Variants in PCDHA6 observed in about 807,000 individuals in gnomAD.
PCDHA6 encodes the protein protocadherin alpha-6.
PCDHA6 carries 55 observed loss-of-function variants against 60.3 expected under a neutral mutation model. The observed-to-expected ratio is 0.91, with a 90% confidence interval of 0.73 to 1.14. PCDHA6 has a LOEUF of 1.14. Ranked by LOEUF, PCDHA6 falls within the 50% of genes most tolerant of loss-of-function variation. The probability of loss-of-function intolerance (pLI) is 0.00; values close to 1 mark genes in which losing one functional copy is unlikely to be tolerated. For synonymous variants in PCDHA6, 652 were observed against 557.9 expected (o/e 1.17, Z -2.38); for missense variants, 1,327 against 1,256.5 (o/e 1.06, Z -0.85).
At position 140,828,668 on chromosome 5, in the gene PCDHA6, G is replaced by A. The variant is rs2150157803; in HGVS notation, c.577G>A (p.Gly193Arg). 1 of 1,614,160 alleles carries A rather than the reference G, an allele frequency of 6.2e-7. No individual in the cohort carries two copies. The highest frequency in any genetic ancestry group is 2.2e-5 in the East Asian group (1 of 44,884). The change falls in exon 1 of 4, where the codon GGG becomes AGG. Residue 193 changes from glycine to arginine, a missense_variant. By Grantham distance (125) the Gly-to-Arg change is moderately radical. Coordinates refer to ENST00000529310, the MANE Select transcript of PCDHA6 (RefSeq NM_018909.4). ...KINSDDNKQI[G>R]LLLKKSLDRE... ...AAACAGTGATGACAATAAACAAATT[G>A]GGCTCTTATTAAAGAAATCCTTGGA...
Position 140,843,391 on chromosome 5 carries a change from A to G in PCDHA6, c.2394+12906A>G, listed in dbSNP as rs1554140017. On this transcript the variant is annotated intron_variant, in intron 1 of 3. Transcript: ENST00000529310. ...AGTCGGCTGGCGTTTTGGGTCCGGA[A>G]GCGGCGCTGGTGGATGTCAACGTGT... 7.5e-6 allele frequency: 12 copies of G among 1,596,022 alleles called. 1 individual carries two copies. The highest frequency in any genetic ancestry group is 8.6e-6 in the Non-Finnish European group (10 of 1,165,574).
chr5:140,846,984 C>T (rs1554141604), intron 1 of PCDHA6, among the ~76,000 whole-genome samples: 2 of 149,190 alleles, frequency 1.3e-5, no homozygotes, highest in African/African-American at 4.9e-5. Context: ...TAAGTAAGTT[C>T]CCCCCGGGAG....
In PCDHA6 at chr5:140,830,159, G is replaced by A. The variant is rs2150182204; in HGVS notation, c.2068G>A (p.Glu690Lys). 33 of 1,613,266 alleles carry A rather than the reference G, an allele frequency of 2.0e-5. No individual in the cohort carries two copies. Among genetic ancestry groups the A allele is most frequent in the Non-Finnish European group, 2.7e-5 (32 of 1,179,874 alleles). ...SRASVGAAGPEAALVDVNVYL... is the reference protein window; with the variant it reads ...SRASVGAAGPKAALVDVNVYL... ...GGCGTCGGTGGGCGCCGCGGGCCCAGAGGCGGCGCTGGTGGATGTCAACGT... is the reference window on the plus strand; with the variant it reads ...GGCGTCGGTGGGCGCCGCGGGCCCAAAGGCGGCGCTGGTGGATGTCAACGT... The change falls in exon 1 of 4, where the codon GAG becomes AAG. Residue 690 changes from glutamate (E) to lysine (K), a missense_variant. Physicochemically the swap from Glu to Lys is moderately conservative, Grantham distance 56. Transcript: ENST00000529310.
At chr5:140,871,429 C>T in intron 1 of PCDHA6, 1 of 1,613,216 alleles carries the variant, frequency 6.2e-7, no homozygotes, top group Admixed American at 1.7e-5. Context: ...CCCCAGTCTT[C>T]CTCTAGGTCT....
intron 1 of PCDHA6, among the ~76,000 whole-genome samples, chr5:140,950,128 A>T (rs1488144119): frequency 6.6e-6 from 1 of 151,920 alleles, no homozygotes; most frequent in Non-Finnish European, 1.5e-5. Flanking sequence ...AACCCACAAG[A>T]CACAGTTATA....
Position 140,849,936 on chromosome 5 carries a change from G to C in PCDHA6, c.2394+19451G>C, listed in dbSNP as rs2041236618. The C allele has an allele frequency of 2.5e-6, 4 of 1,598,080 alleles. 1 individual carries two copies. Among genetic ancestry groups the C allele is most frequent in the Non-Finnish European group, 3.4e-6 (4 of 1,167,760 alleles). On this transcript the variant is annotated intron_variant, in intron 1 of 3. Transcript: ENST00000529310. ...CCACATCTTCACGGTGTCTGCGCGG[G>C]ACGCTGACGCGCAGGAGAACGCCCT...
chr5:140,953,074 C>T (rs929530454), intron 1 of PCDHA6, among the ~76,000 whole-genome samples: 1 of 152,204 alleles, frequency 6.6e-6, no homozygotes, highest in Non-Finnish European at 1.5e-5. Flanking sequence ...CCATCTCCAA[C>T]ATTGGGGATT....
chr5:140,837,926 ACCT>A (rs1775320032), intron 1 of PCDHA6, among the ~76,000 whole-genome samples: 1 of 151,498 alleles, frequency 6.6e-6, no homozygotes. Flanking sequence ...CGATCCTCCT[ACCT>A]TGGCCTCCCA....
intron 1 of PCDHA6, among the ~76,000 whole-genome samples, chr5:140,895,802 CTGTATTGTAT>C (rs1289601886): frequency 6.6e-6 from 1 of 152,048 alleles, no homozygotes; most frequent in Admixed American, 6.6e-5. Context: ...ATGTACAATA[CTGTATTGTAT>C]TGTATTGTAT....
rs548122977 is a variant in PCDHA6 at position 141,010,588 on chromosome 5, T to C, written c.*651T>C. ...AGGCTTTAGGAGACCCTAAAGTCTG[T>C]TGGCTGTGACGTCATTATACCTAAA... On this transcript the variant is annotated 3_prime_UTR_variant, in exon 4 of 4. Coordinates refer to ENST00000529310, the MANE Select transcript of PCDHA6 (RefSeq NM_018909.4). 5 of 233,334 alleles carry C rather than the reference T, an allele frequency of 2.1e-5. No individual in the cohort carries two copies. In the East Asian group the frequency reaches 4.8e-4, roughly 22 times the overall value. 14.5% of individuals were successfully genotyped at this position (233,334 alleles called of 1,614,324 possible).
intron 1 of PCDHA6, chr5:140,968,831 C>T (rs1469537973): frequency 1.2e-6 from 2 of 1,614,020 alleles, no homozygotes; most frequent in Non-Finnish European, 8.5e-7. Flanking sequence ...CAAAATCCTC[C>T]CTGACACTCA....
At chr5:140,936,604 G>A (rs1186463181) in intron 1 of PCDHA6, among the ~76,000 whole-genome samples, 4 of 152,116 alleles carry the variant, frequency 2.6e-5, no homozygotes, top group South Asian at 2.1e-4. Context: ...TACTTTCCTC[G>A]CTGCTACTGT....
At chr5:140,831,878 G>A (rs2150197940) in intron 1 of PCDHA6, among the ~76,000 whole-genome samples, 3 of 152,080 alleles carry the variant, frequency 2.0e-5, no homozygotes, top group Admixed American at 6.6e-5. Context: ...ATTGTAAGGC[G>A]CTTATAACTG....
At chr5:140,852,822 T>C in intron 1 of PCDHA6, 1 of 971,316 alleles carries the variant, frequency 1.0e-6, no homozygotes, top group East Asian at 1.1e-4. Flanking sequence ...CCCTAAGTCC[T>C]CCAGTCTCCT....
At chr5:140,956,098 GA>G (rs2095256801) in intron 1 of PCDHA6, among the ~76,000 whole-genome samples, 1 of 152,160 alleles carries the variant, frequency 6.6e-6, no homozygotes, top group African/African-American at 2.4e-5. Context: ...TGCAAACAAA[GA>G]TAATTTGATT....
intron 1 of PCDHA6, among the ~76,000 whole-genome samples, chr5:140,937,861 G>A (rs1159207693): frequency 6.6e-6 from 1 of 150,994 alleles, no homozygotes; most frequent in African/African-American, 2.4e-5. Context: ...GGAGTGAGCC[G>A]AGATCGCGCC....
At chr5:140,954,275 T>C (rs1447578594) in intron 1 of PCDHA6, among the ~76,000 whole-genome samples, 1 of 152,218 alleles carries the variant, frequency 6.6e-6, no homozygotes, top group Non-Finnish European at 1.5e-5. Context: ...AATAGGATGA[T>C]TTATATTCCT....
At chr5:140,892,207 A>C (rs1562863208) in intron 1 of PCDHA6, among the ~76,000 whole-genome samples, 1 of 152,110 alleles carries the variant, frequency 6.6e-6, no homozygotes, top group African/African-American at 2.4e-5. Context: ...TGTGTTTTAA[A>C]ATTGTATCTT....
intron 1 of PCDHA6, chr5:140,842,835 C>A: frequency 1.3e-6 from 2 of 1,593,850 alleles, no homozygotes; most frequent in South Asian, 2.2e-5. Context: ...CGCTCGCTGT[C>A]GAGCTACATT....
Sources: allele counts gnomAD v4.1 joint callset (sites outside exome capture counted in the v4.1 genomes callset), GRCh38; gene constraint gnomAD v4.1.1; transcripts MANE v1.5; gene names NCBI Gene and HGNC (gene_info 2026-07-23, HGNC 2026-07-21).